Variants in MAP4K5 observed in about 807,000 individuals in gnomAD.
MAP4K5 encodes mitogen-activated protein kinase kinase kinase kinase 5.
A neutral mutation model predicts 135.6 loss-of-function variants in MAP4K5; 82 were observed. The observed-to-expected ratio is 0.60, with a 90% CI of 0.51 to 0.73. MAP4K5 has a LOEUF of 0.73. MAP4K5 is among the 30% of genes least tolerant of loss of function. The pLI is 0.00. For synonymous variants in MAP4K5, 347 were observed against 335.0 expected (o/e 1.04, Z -0.39); for missense variants, 907 against 1,010.9 (o/e 0.90, Z 1.39).
At chr14:50,435,522 G>C (rs1461080846) in intron 26 of MAP4K5, among the ~76,000 whole-genome samples, 1 of 151,650 alleles carries the variant, frequency 6.6e-6, no homozygotes, top group Non-Finnish European at 1.5e-5. Context: ...ATGCCACCAT[G>C]CCCAGCTAAT....
intron 1 of MAP4K5, among the ~76,000 whole-genome samples, chr14:50,556,482 T>G (rs1296135789): frequency 6.6e-6 from 1 of 152,188 alleles, no homozygotes; most frequent in African/African-American, 2.4e-5. Flanking sequence ...CTTCCCAAAG[T>G]GCTGGGATTA....
chr14:50,428,775 C>G, intron 29 of MAP4K5, 21 bp from the exon 30 acceptor site: 1 of 1,083,582 alleles, frequency 9.2e-7, no homozygotes, highest in Non-Finnish European at 1.3e-6. Flanking sequence ...AAAAACAAGT[C>G]AAGACTGGAC....
chr14:50,484,665 A>G (rs1337486801), intron 5 of MAP4K5, among the ~76,000 whole-genome samples: 3 of 152,198 alleles, frequency 2.0e-5, no homozygotes, highest in African/African-American at 7.2e-5. Flanking sequence ...AGTGCCGCAC[A>G]GTATTCCATA....
chr14:50,532,139 G>A lies in MAP4K5; in HGVS notation c.-90C>T. On this transcript the variant is annotated 5_prime_UTR_variant, in exon 2 of 33. Coordinates refer to ENST00000682126, the MANE Select transcript of MAP4K5 (RefSeq NM_006575.6). ...GAACGGCGCCGCTTCCCAACATGGA[G>A]CCTCCGCCCGCAGCTCCGTCTGCAC... 1.3e-6 allele frequency: 1 copy of A among 766,774 alleles called. No homozygotes were observed. Among genetic ancestry groups the A allele is most frequent in the Non-Finnish European group, 2.1e-6 (1 of 471,592 alleles). The allele number at this position is 766,774 out of a possible 1,614,324, so 47.5% of individuals were successfully genotyped here. A position where few individuals can be genotyped will look rare whatever the true frequency, so the allele number is the denominator to read the frequency against.
intron 9 of MAP4K5, 89 bp from the exon 10 acceptor site, chr14:50,468,871 G>A: frequency 7.9e-7 from 1 of 1,259,410 alleles, no homozygotes; most frequent in South Asian, 1.4e-5. Context: ...ACTTGTTGGA[G>A]GGAAGGAAGC....
chr14:50,441,309 T>C (rs2036220542), intron 21 of MAP4K5, among the ~76,000 whole-genome samples: 1 of 152,144 alleles, frequency 6.6e-6, no homozygotes, highest in Non-Finnish European at 1.5e-5. Flanking sequence ...AGAAGGCTAG[T>C]GAACACTGCT....
intron 2 of MAP4K5, among the ~76,000 whole-genome samples, chr14:50,542,233 A>G (rs1376110421): frequency 1.4e-5 from 2 of 139,492 alleles, no homozygotes; most frequent in East Asian, 4.8e-4. Context: ...TTGAACAATG[A>G]GAACACGTGG....
At chr14:50,524,214 C>G (rs888788296) in intron 2 of MAP4K5, among the ~76,000 whole-genome samples, 3 of 151,966 alleles carry the variant, frequency 2.0e-5, no homozygotes, top group African/African-American at 7.3e-5. Flanking sequence ...AAAGTAAAAC[C>G]CTGAAACAAG....
intron 2 of MAP4K5, among the ~76,000 whole-genome samples, chr14:50,526,934 G>A (rs943671150): frequency 1.3e-5 from 2 of 151,950 alleles, no homozygotes; most frequent in South Asian, 2.1e-4. Context: ...AGACTTCTAC[G>A]CAAATTATAA....
At chr14:50,560,263 A>G in intron 1 of MAP4K5, 1 of 1,613,990 alleles carries the variant, frequency 6.2e-7, no homozygotes, top group Non-Finnish European at 8.5e-7. Flanking sequence ...CTCCTGGACC[A>G]CCATGGCCAA....
At chr14:50,448,994 G>A (rs2036423202) in intron 14 of MAP4K5, 162 bp from the exon 15 acceptor site, 1 of 567,794 alleles carries the variant, frequency 1.8e-6, no homozygotes, top group Non-Finnish European at 3.1e-6. Flanking sequence ...CCTTTGTTAT[G>A]CTTACCAAAA....
At chr14:50,517,735 G>A (rs569957052) in intron 2 of MAP4K5, among the ~76,000 whole-genome samples, 38 of 152,036 alleles carry the variant, frequency 2.5e-4, no homozygotes, top group African/African-American at 8.7e-4. Context: ...CCAAGATACC[G>A]CCACTGCACT....
intron 1 of MAP4K5, among the ~76,000 whole-genome samples, chr14:50,557,777 T>C (rs2038782105): frequency 6.6e-6 from 1 of 152,224 alleles, no homozygotes; most frequent in East Asian, 1.9e-4. Flanking sequence ...CACCCAGCAA[T>C]GAGCACAACT....
intron 1 of MAP4K5, among the ~76,000 whole-genome samples, chr14:50,555,163 GA>G (rs910601117): frequency 6.6e-6 from 1 of 152,322 alleles, no homozygotes; most frequent in Non-Finnish European, 1.5e-5. Context: ...TGGCTAGAAT[GA>G]AAATGTGAAT....
intron 28 of MAP4K5, among the ~76,000 whole-genome samples, chr14:50,432,417 TAATCTGG>T (rs1419598035): frequency 6.6e-6 from 1 of 152,050 alleles, no homozygotes. Flanking sequence ...CCTCAGGAAG[TAATCTGG>T]GTCTTTAAAC....
Position 50,445,116 on chromosome 14 carries a change from C to T in MAP4K5, c.1264G>A (p.Glu422Lys). 6.2e-7 allele frequency: 1 copy of T among 1,613,690 alleles called. No homozygotes were observed. Among genetic ancestry groups the T allele is most frequent in the South Asian group, 1.1e-5 (1 of 91,072 alleles). The stretch of plus-strand genomic sequence containing the variant: ...CTGAGAATTTGGGGAGCTCTGCTTT[C>T]TGAATCAGGACAATGTTTTATGGTT... ...ASTIKHCPDS[E>K]SRAPQILRRQ... The change falls in exon 18 of 33, where the codon GAA (glutamate) becomes AAA (lysine). Residue 422 changes from glutamate (E) to lysine (K), a missense_variant. Coordinates refer to ENST00000682126, the MANE Select transcript of MAP4K5 (RefSeq NM_006575.6).
intron 29 of MAP4K5, 60 bp downstream of exon 29, chr14:50,429,132 G>A: frequency 2.2e-6 from 2 of 898,810 alleles, no homozygotes; most frequent in Non-Finnish European, 3.3e-6. Flanking sequence ...TGGTTTAACA[G>A]AATAAAAAAA....
intron 2 of MAP4K5, among the ~76,000 whole-genome samples, chr14:50,514,353 G>A (rs1167985366): frequency 3.3e-5 from 5 of 152,132 alleles, no homozygotes; most frequent in African/African-American, 1.2e-4. Flanking sequence ...AAAGTGCTGG[G>A]ATTACAGGCG....
At chr14:50,433,078 C>T (rs548398371) in intron 28 of MAP4K5, among the ~76,000 whole-genome samples, 1 of 152,256 alleles carries the variant, frequency 6.6e-6, no homozygotes, top group Admixed American at 6.5e-5. Context: ...CTCAGGTGAT[C>T]CACCCACTTT....
Sources: allele counts gnomAD v4.1 joint callset (sites outside exome capture counted in the v4.1 genomes callset), GRCh38; gene constraint gnomAD v4.1.1; transcripts MANE v1.5; gene names NCBI Gene and HGNC (gene_info 2026-07-23, HGNC 2026-07-21).